LUZP2: variants seen among roughly 807,000 people sequenced by gnomAD.
LUZP2 encodes leucine zipper protein 2.
LUZP2 carries 52 observed loss-of-function variants against 51.6 expected under a neutral mutation model. The observed-to-expected ratio is 1.01, with a 90% CI of 0.81 to 1.27. The LOEUF (loss-of-function observed/expected upper bound fraction) is 1.27, where lower values mean the gene tolerates loss of function less well. Among genes scored for constraint, LUZP2 ranks in the 50% most tolerant of loss-of-function variants. The pLI is 0.00. For synonymous variants in LUZP2, 154 were observed against 137.3 expected (o/e 1.12, Z -0.85); for missense variants, 436 against 395.4 (o/e 1.10, Z -0.87).
chr11:24,973,161 C>G (rs897576975), intron 7 of LUZP2, among the ~76,000 whole-genome samples: 5 of 148,092 alleles, frequency 3.4e-5, no homozygotes, highest in African/African-American at 1.2e-4. Context: ...CTTCCTGGTT[C>G]AGTCTTGGGA....
At chr11:24,498,553 TAA>T (rs1211113541) in intron 1 of LUZP2, among the ~76,000 whole-genome samples, 1 of 152,198 alleles carries the variant, frequency 6.6e-6, no homozygotes, top group African/African-American at 2.4e-5. Context: ...AAATGAAATG[TAA>T]GTTTGATTCT....
At chr11:25,040,288 A>C (rs1196408365) in intron 9 of LUZP2, among the ~76,000 whole-genome samples, 2 of 149,240 alleles carry the variant, frequency 1.3e-5, no homozygotes, top group African/African-American at 5.1e-5. Flanking sequence ...ATATGTTAGC[A>C]AACTATACTG....
At chr11:25,018,729 T>C (rs1857239850) in intron 9 of LUZP2, among the ~76,000 whole-genome samples, 2 of 150,942 alleles carry the variant, frequency 1.3e-5, no homozygotes, top group Admixed American at 1.3e-4. Flanking sequence ...TGCCTCAGCC[T>C]CTCAAGTAGC....
At chr11:24,982,606 G>A (rs769206438) in intron 8 of LUZP2, among the ~76,000 whole-genome samples, 3 of 151,734 alleles carry the variant, frequency 2.0e-5, no homozygotes, top group Non-Finnish European at 2.9e-5. Flanking sequence ...CTACTTGAGG[G>A]TGGAGGATGA....
At chr11:25,013,140 A>G (rs1857030167) in intron 9 of LUZP2, among the ~76,000 whole-genome samples, 2 of 152,186 alleles carry the variant, frequency 1.3e-5, no homozygotes, top group South Asian at 2.1e-4. Context: ...CAAATATTGC[A>G]TGTTCTCCCT....
At chr11:24,965,278 G>T (rs1855547287) in intron 7 of LUZP2, among the ~76,000 whole-genome samples, 1 of 147,732 alleles carries the variant, frequency 6.8e-6, no homozygotes, top group African/African-American at 2.5e-5. Context: ...CTAGATGTTT[G>T]ATGAAATTCA....
chr11:24,613,103 C>G (rs1163245054), intron 1 of LUZP2, among the ~76,000 whole-genome samples: 4 of 152,044 alleles, frequency 2.6e-5, no homozygotes, highest in African/African-American at 9.7e-5. Context: ...TCTCTAACTT[C>G]CTAAAACCAA....
intron 1 of LUZP2, among the ~76,000 whole-genome samples, chr11:24,669,022 C>T (rs1013010178): frequency 8.5e-5 from 13 of 152,068 alleles, no homozygotes; most frequent in African/African-American, 2.7e-4. Context: ...GGTTTAAGCA[C>T]CTAGTGAAAT....
Position 25,030,920 on chromosome 11 carries a change from A to ATATATATTATATATTATATGTAT in LUZP2, c.766-19111_766-19110insTATATATTATATGTATTATATAT. Among the ~76,000 whole-genome samples, 18 of 15,478 alleles carry ATATATATTATATATTATATGTAT rather than the reference A, an allele frequency of 1.2e-3. 3 individuals are homozygous for ATATATATTATATATTATATGTAT. The African/African-American group carries it at 0.032, about 28-fold the overall frequency. The allele number at this position is 15,478 out of a possible 152,430, so 10.2% of individuals were successfully genotyped here. ...ATATATATATAATATATATTGTATTATATATATATAATATATATTATATAT... is the reference window on the plus strand; with the variant it reads ...ATATATATATAATATATATTGTATTATATATATTATATATTATATGTATTATATATATAATATATATTATATAT... On this transcript the variant is annotated intron_variant, in intron 9 of 11. Transcript: ENST00000336930.
chr11:24,924,439 G>A (rs972591033), intron 7 of LUZP2, among the ~76,000 whole-genome samples: 24 of 152,138 alleles, frequency 1.6e-4, no homozygotes, highest in African/African-American at 4.1e-4. Flanking sequence ...GTTCCTGCCC[G>A]TAGAATGTTG....
chr11:24,502,785 G>C (rs1398179044), intron 1 of LUZP2, among the ~76,000 whole-genome samples: 1 of 152,098 alleles, frequency 6.6e-6, no homozygotes, highest in Non-Finnish European at 1.5e-5. Context: ...GCATAAAAGT[G>C]AATATTTGTC....
Position 25,050,068 on chromosome 11 carries a change from A to T in LUZP2, c.796A>T (p.Ser266Cys), listed in dbSNP as rs1478963019. ...ACAAAGTGCTTCTGGAAACAATGAGAGCTCTCAAGTTGAGTCAACAAAGGA... is the reference window on the plus strand; with the variant it reads ...ACAAAGTGCTTCTGGAAACAATGAGTGCTCTCAAGTTGAGTCAACAAAGGA... ...PQQSASGNNE[S>C]SQVESTKEGN... Residue 266 changes from serine to cysteine, a missense_variant, in exon 10 of 12, where the codon AGC becomes TGC. Coordinates refer to ENST00000336930, the MANE Select transcript of LUZP2 (RefSeq NM_001009909.4). 1 of 1,598,336 alleles carries T rather than the reference A, an allele frequency of 6.3e-7. No individual in the cohort carries two copies.
intron 5 of LUZP2, among the ~76,000 whole-genome samples, chr11:24,858,829 T>C (rs886225972): frequency 3.9e-5 from 6 of 152,200 alleles, no homozygotes; most frequent in African/African-American, 1.4e-4. Flanking sequence ...TCTTGCAATA[T>C]AGGCTCTGCC....
chr11:24,765,280 G>GA (rs1429279540), intron 5 of LUZP2, among the ~76,000 whole-genome samples: 7 of 152,006 alleles, frequency 4.6e-5, no homozygotes, highest in Non-Finnish European at 8.8e-5. Context: ...TCAGGCATAA[G>GA]AAAAAAACAG....
chr11:24,847,653 G>A (rs1038827631), intron 5 of LUZP2, among the ~76,000 whole-genome samples: 1 of 152,058 alleles, frequency 6.6e-6, no homozygotes, highest in African/African-American at 2.4e-5. Flanking sequence ...ACGGGGTGGA[G>A]GGGGGAAACA....
intron 1 of LUZP2, among the ~76,000 whole-genome samples, chr11:24,622,600 TA>T (rs1253037393): frequency 1.3e-5 from 2 of 152,214 alleles, no homozygotes; most frequent in Middle Eastern, 3.4e-3. Flanking sequence ...ATCTCTAAGT[TA>T]AAAAATAACT....
At chr11:24,638,979 A>T (rs1218845582) in intron 1 of LUZP2, among the ~76,000 whole-genome samples, 5 of 151,736 alleles carry the variant, frequency 3.3e-5, no homozygotes. Flanking sequence ...AAATGCCACA[A>T]GGAAAAAGAG....
intron 1 of LUZP2, among the ~76,000 whole-genome samples, chr11:24,517,579 A>G (rs940279187): frequency 2.7e-4 from 40 of 147,846 alleles, no homozygotes; most frequent in African/African-American, 8.2e-4. Context: ...TTATTTTTTC[A>G]TATATCTAAA....
chr11:24,859,591 T>A (rs1396138208), intron 5 of LUZP2, among the ~76,000 whole-genome samples: 1 of 152,112 alleles, frequency 6.6e-6, no homozygotes, highest in African/African-American at 2.4e-5. Context: ...GCTCGGAGGC[T>A]TCCATCGAAA....
Sources: allele counts gnomAD v4.1 joint callset (sites outside exome capture counted in the v4.1 genomes callset), GRCh38; gene constraint gnomAD v4.1.1; transcripts MANE v1.5; gene names NCBI Gene and HGNC (gene_info 2026-07-23, HGNC 2026-07-21).